The following BBX variants were observed in gnomAD, a reference collection of about 807,000 sequenced individuals.
BBX encodes the protein HMG box transcription factor BBX.
In BBX, 30 loss-of-function variants were observed where a neutral mutation model predicts 100.2. The observed-to-expected ratio is 0.30, with a 90% CI of 0.22 to 0.41. BBX has a LOEUF of 0.41. Ranked by LOEUF, BBX falls within the 10% of genes least tolerant of loss-of-function variation. The probability of loss-of-function intolerance (pLI) is 1.00; values close to 1 mark genes in which losing one functional copy is unlikely to be tolerated. For synonymous variants in BBX, 376 were observed against 388.1 expected (o/e 0.97, Z 0.37); for missense variants, 1,023 against 1,129.8 (o/e 0.91, Z 1.35).
intron 5 of BBX, 98 bp from the exon 6 acceptor site, chr3:107,728,667 C>T: frequency 9.1e-7 from 1 of 1,093,704 alleles, no homozygotes; most frequent in Middle Eastern, 2.3e-4. Context: ...AATTGTTTTT[C>T]TCACTTGGTA....
At chr3:107,585,407 C>G (rs1430200535) in intron 2 of BBX, among the ~76,000 whole-genome samples, 2 of 151,996 alleles carry the variant, frequency 1.3e-5, no homozygotes, top group Non-Finnish European at 2.9e-5. Context: ...ATAAATGAGA[C>G]GTATCTTCAT....
chr3:107,731,640 A>G (rs2107523352), intron 6 of BBX, among the ~76,000 whole-genome samples: 1 of 151,990 alleles, frequency 6.6e-6, no homozygotes, highest in African/African-American at 2.4e-5. Context: ...TTGGTAACAT[A>G]GTTTTTCCTC....
At chr3:107,767,339 C>G (rs763108150) in intron 10 of BBX, among the ~76,000 whole-genome samples, 1 of 151,890 alleles carries the variant, frequency 6.6e-6, no homozygotes, top group Non-Finnish European at 1.5e-5. Flanking sequence ...AAAGAGGCAT[C>G]AGGGTAAGGC....
In BBX at chr3:107,689,772, C is replaced by G. The variant is rs564241752; in HGVS notation, c.-9-20680C>G. ...CAACAAGGCTTGTAAAATGGAATTA[C>G]TTTTCCTCCCAAAGTAAATGTATTG... is the stretch of plus-strand genomic sequence containing the variant. On this transcript the variant is annotated intron_variant, in intron 3 of 17. Coordinates refer to ENST00000325805, the MANE Select transcript of BBX (RefSeq NM_001142568.3). Among the ~76,000 whole-genome samples the G allele has an allele frequency of 1.4e-4, 22 of 152,262 alleles. 1 individual carries two copies. Among genetic ancestry groups the G allele is most frequent in the African/African-American group, 5.1e-4 (21 of 41,556 alleles).
chr3:107,581,010 T>C (rs958625985), intron 2 of BBX, among the ~76,000 whole-genome samples: 1 of 152,204 alleles, frequency 6.6e-6, no homozygotes, highest in Non-Finnish European at 1.5e-5. Context: ...AATGTTAAAA[T>C]ATGGAAGACC....
At chr3:107,757,244 TG>T (rs897198299) in intron 10 of BBX, among the ~76,000 whole-genome samples, 8 of 151,956 alleles carry the variant, frequency 5.3e-5, no homozygotes, top group Middle Eastern at 3.4e-3. Context: ...CTTTGCTGCA[TG>T]GGGGGGCTGG....
At chr3:107,691,319 T>A (rs972651087) in intron 3 of BBX, among the ~76,000 whole-genome samples, 1 of 152,206 alleles carries the variant, frequency 6.6e-6, no homozygotes, top group Admixed American at 6.5e-5. Context: ...TAAATAAATG[T>A]CATCAATTTA....
At chr3:107,611,854 A>C (rs968885219) in intron 2 of BBX, among the ~76,000 whole-genome samples, 1 of 152,100 alleles carries the variant, frequency 6.6e-6, no homozygotes, top group Non-Finnish European at 1.5e-5. Context: ...CTTTAAGTGC[A>C]GTAACTCCTA....
At chr3:107,757,235 T>C (rs780973267) in intron 10 of BBX, among the ~76,000 whole-genome samples, 4 of 152,100 alleles carry the variant, frequency 2.6e-5, no homozygotes, top group Non-Finnish European at 5.9e-5. Flanking sequence ...TTTGGGGTAC[T>C]TTGCTGCATG....
intron 11 of BBX, among the ~76,000 whole-genome samples, chr3:107,774,371 C>T (rs2067151779): frequency 6.6e-6 from 1 of 152,222 alleles, no homozygotes; most frequent in Admixed American, 6.5e-5. Context: ...GATGTCAGTT[C>T]AGTGAGTTTT....
intron 2 of BBX, among the ~76,000 whole-genome samples, chr3:107,561,517 G>C (rs564212051): frequency 6.6e-6 from 1 of 152,174 alleles, no homozygotes; most frequent in South Asian, 2.1e-4. Context: ...ATACATTATG[G>C]TGTATTCACA....
chr3:107,592,360 C>CAAAAAAAAAAAAAAAAAA, intron 2 of BBX, among the ~76,000 whole-genome samples: 1 of 74,886 alleles, frequency 1.3e-5, no homozygotes, highest in African/African-American at 5.3e-5. Flanking sequence ...GACCCTGTCT[C>CAAAAAAAAAAAAAAAAAA]AAAAAAAAAA....
intron 4 of BBX, chr3:107,711,481 G>T: frequency 2.8e-6 from 1 of 355,194 alleles, no homozygotes; most frequent in Non-Finnish European, 5.6e-6. Flanking sequence ...CATCCATTCA[G>T]TCTCTCTTGG....
At chr3:107,754,373 A>G (rs2065312549) in intron 9 of BBX, among the ~76,000 whole-genome samples, 1 of 152,208 alleles carries the variant, frequency 6.6e-6, no homozygotes, top group Non-Finnish European at 1.5e-5. Context: ...CAAACTTCAG[A>G]AAGTTTGAGC....
At chr3:107,541,734 C>T (rs970611234) in intron 2 of BBX, among the ~76,000 whole-genome samples, 1 of 151,918 alleles carries the variant, frequency 6.6e-6, no homozygotes, top group African/African-American at 2.4e-5. Flanking sequence ...TATTCAGATA[C>T]CTGAGCTACT....
intron 3 of BBX, among the ~76,000 whole-genome samples, chr3:107,704,501 T>G (rs2061275966): frequency 6.6e-6 from 1 of 152,180 alleles, no homozygotes; most frequent in African/African-American, 2.4e-5. Flanking sequence ...TGGCTCACAG[T>G]TCTGGAGGCT....
chr3:107,627,289 T>C (rs1160510232), intron 2 of BBX, among the ~76,000 whole-genome samples: 4 of 152,204 alleles, frequency 2.6e-5, no homozygotes, highest in Non-Finnish European at 5.9e-5. Context: ...TTGATGGTAC[T>C]GGGCAGAAGA....
rs1483869317 is a variant in BBX at position 107,597,514 on chromosome 3, A to G, written c.-83-48322A>G. 2.6e-5 allele frequency among the ~76,000 whole-genome samples: 4 copies of G among 152,186 alleles called. No individual in the cohort carries two copies. In the East Asian group the frequency reaches 5.8e-4, roughly 22 times the overall value. On this transcript the variant is annotated intron_variant, in intron 2 of 17. Coordinates refer to ENST00000325805, the MANE Select transcript of BBX (RefSeq NM_001142568.3). ...TTCTTCTAATTAATTCATAATTAGT[A>G]TATGAATATTATTGGGGAAAGAGTT...
intron 2 of BBX, among the ~76,000 whole-genome samples, chr3:107,539,092 A>G (rs1460080910): frequency 6.6e-6 from 1 of 152,170 alleles, no homozygotes; most frequent in East Asian, 1.9e-4. Flanking sequence ...ACCTGTCCAG[A>G]ACAATGTTTA....
Sources: gnomAD v4.1 joint callset for allele counts (sites outside exome capture counted in the v4.1 genomes callset) on GRCh38, gnomAD v4.1.1 for gene constraint, MANE v1.5 for transcripts, NCBI Gene and HGNC (gene_info 2026-07-23, HGNC 2026-07-21) for gene names.